Variants in NPIPB11 observed in about 807,000 individuals in gnomAD.
NPIPB11 encodes the protein nuclear pore complex-interacting protein family member B11.
NPIPB11 carries 17 observed loss-of-function variants against 32.8 expected under a neutral mutation model. The ratio of observed to expected loss-of-function variants is 0.52; its 90% CI spans 0.35 to 0.78. NPIPB11 has a LOEUF of 0.78. NPIPB11 is among the 30% of genes least tolerant of loss of function. The pLI is 0.01. For missense variants in NPIPB11, 537 were observed against 1,000.4 expected (o/e 0.54, Z 6.25); for synonymous variants, 209 against 398.4 (o/e 0.52, Z 5.66).
chr16:29,394,041 C>T, exon 3 of NPIPB11: 1 of 1,599,360 alleles, frequency 6.3e-7, no homozygotes, highest in Non-Finnish European at 8.5e-7. Flanking sequence ...CAAAGTCAGT[C>T]CCACGATGAT....
At chr16:29,390,389 G>C (rs1192377798) in intron 3 of NPIPB11, 41 bp from the exon 4 acceptor site, 6 of 1,586,308 alleles carry the variant, frequency 3.8e-6, no homozygotes, top group Non-Finnish European at 5.1e-6. Flanking sequence ...GGGCACGGTG[G>C]CTCATGCGTA....
In NPIPB11 at chr16:29,394,425, A is replaced by C. The variant is rs866309689; in HGVS notation, c.121-349T>G. On this transcript the variant is annotated intron_variant, in intron 2 of 7. Transcript: ENST00000524087. ...ACAATAGCTGATGATCTAAAAAAAA[A>C]CCTCTTTTTTTTTTTTTTTTTTGAG... Among the ~76,000 whole-genome samples, 10 of 114,830 alleles carry C rather than the reference A, an allele frequency of 8.7e-5. No homozygotes were observed. In the South Asian group the frequency reaches 2.3e-3, roughly 26 times the overall value. 75.3% of individuals were successfully genotyped at this position (114,830 alleles called of 152,430 possible).
chr16:29,390,749 A>T (rs961594218), intron 3 of NPIPB11, among the ~76,000 whole-genome samples: 1 of 151,702 alleles, frequency 6.6e-6, no homozygotes, highest in African/African-American at 2.4e-5. Context: ...GGATCACCTG[A>T]GGTCGGGAGT....
At chr16:29,393,732 G>C (rs1330682291) in intron 3 of NPIPB11, among the ~76,000 whole-genome samples, 1 of 152,082 alleles carries the variant, frequency 6.6e-6, no homozygotes, top group Admixed American at 6.6e-5. Context: ...TTGACCAAAA[G>C]CTCTGTTGAC....
intron 3 of NPIPB11, among the ~76,000 whole-genome samples, chr16:29,393,237 A>C (rs1340304439): frequency 1.3e-5 from 2 of 151,406 alleles, no homozygotes; most frequent in East Asian, 3.9e-4. Flanking sequence ...CAGTTCTAAG[A>C]GTCTCTGGGG....
chr16:29,395,640 G>A (rs1384291751), intron 2 of NPIPB11, among the ~76,000 whole-genome samples: 1 of 144,326 alleles, frequency 6.9e-6, no homozygotes, highest in Non-Finnish European at 1.5e-5. Context: ...ATACAATGAA[G>A]AGATTACTTC....
rs188602020 is a variant in NPIPB11 at position 29,383,115 on chromosome 16, C to A, written c.1817G>T (p.Ser606Ile). Residue 606 changes from serine to isoleucine, a missense_variant, in exon 8 of 8, where the codon AGC becomes ATC. Ser to Ile is a moderately radical substitution (Grantham distance 142). Coordinates refer to ENST00000524087, the Ensembl canonical transcript of NPIPB11. ...GAGCTGAGGGTGGAAGGGGAGTGAG[C>A]TGACGCTCGGAAGGTCTCTTGAGAT... 1.1e-5 allele frequency: 17 copies of A among 1,591,370 alleles called. No homozygotes were observed. The African/African-American group carries it at 2.4e-4, about 22-fold the overall frequency.
At chr16:29,393,872 A>T in intron 3 of NPIPB11, 76 bp downstream of exon 3, 1 of 1,288,690 alleles carries the variant, frequency 7.8e-7, no homozygotes, top group Non-Finnish European at 1.0e-6. Flanking sequence ...TGAAGTCCAG[A>T]AATGTGAATT....
At chr16:29,402,747 T>G (rs1964026515) in intron 2 of NPIPB11, among the ~76,000 whole-genome samples, 2 of 150,544 alleles carry the variant, frequency 1.3e-5, no homozygotes, top group African/African-American at 2.5e-5. Flanking sequence ...TGTGTGTGTG[T>G]GTGTGTGTGT....
chr16:29,399,325 G>C (rs945382639), intron 2 of NPIPB11, among the ~76,000 whole-genome samples: 10 of 149,900 alleles, frequency 6.7e-5, no homozygotes, highest in Non-Finnish European at 1.5e-4. Flanking sequence ...TTGTAAACAG[G>C]AAATATTCTA....
At position 29,394,500 on chromosome 16, in the gene NPIPB11, T is replaced by G. The variant is rs1274048640; in HGVS notation, c.121-424A>C. ...CCCAGGCTGGAGTGAAGTGGTGCAATCTTGGCTCACTACAACCTCCAGCTC... is the reference window on the plus strand; with the variant it reads ...CCCAGGCTGGAGTGAAGTGGTGCAAGCTTGGCTCACTACAACCTCCAGCTC... On this transcript the variant is annotated intron_variant, in intron 2 of 7. Transcript: ENST00000524087. Among the ~76,000 whole-genome samples the G allele has an allele frequency of 4.0e-5, 6 of 150,446 alleles. No homozygotes were observed. The East Asian group carries it at 1.2e-3, about 30-fold the overall frequency.
intron 2 of NPIPB11, among the ~76,000 whole-genome samples, chr16:29,402,730 G>C (rs369215753): frequency 0.057 from 5,922 of 104,516 alleles, 7 homozygotes; most frequent in East Asian, 0.12. Flanking sequence ...CTCTCTGTGT[G>C]TGTGTGTGTG....
At chr16:29,406,277 A>G (rs1425495288), upstream of NPIPB11, among the ~76,000 whole-genome samples, 12 of 152,248 alleles carry the variant, frequency 7.9e-5, no homozygotes, top group Admixed American at 7.9e-4. Flanking sequence ...CTGTCAAGTG[A>G]GGTGACATTA....
At chr16:29,382,985 T>C (rs1218914273) in exon 8 of NPIPB11, 1 of 1,596,308 alleles carries the variant, frequency 6.3e-7, no homozygotes, top group Admixed American at 1.7e-5. Flanking sequence ...GGAAGGGGAG[T>C]GAGCTGACGC....
chr16:29,401,241 A>ACTT (rs1963984569), intron 2 of NPIPB11, among the ~76,000 whole-genome samples: 1 of 152,128 alleles, frequency 6.6e-6, no homozygotes, highest in Admixed American at 6.6e-5. Flanking sequence ...CCTGGATTTA[A>ACTT]CTTAAAGGAA....
chr16:29,389,367 T>TAAAAAAA (rs1175211779), intron 5 of NPIPB11, among the ~76,000 whole-genome samples: 3 of 58,628 alleles, frequency 5.1e-5, no homozygotes, highest in Non-Finnish European at 8.5e-5. Context: ...ATCTCAAAAT[T>TAAAAAAA]AAAAAAAAAA....
intron 2 of NPIPB11, chr16:29,397,606 C>A (rs1437278912): frequency 3.4e-6 from 5 of 1,489,644 alleles, no homozygotes; most frequent in Non-Finnish European, 2.7e-6. Context: ...AGCAGGAGCC[C>A]AAAGAGGAGC....
At chr16:29,397,515 G>T (rs568558002) in intron 2 of NPIPB11, 24 of 1,487,230 alleles carry the variant, frequency 1.6e-5, no homozygotes, top group Non-Finnish European at 2.2e-5. Context: ...TTCATGCCGC[G>T]TGACACAGCC....
rs556884902 is a variant in NPIPB11 at position 29,392,139 on chromosome 16, A to C, written c.250-1791T>G. ...AGCAATGGGTAATCTAAAAAGATGAAAAGAGCAACCACGTCAATCCCACAG... is the reference window on the plus strand; with the variant it reads ...AGCAATGGGTAATCTAAAAAGATGACAAGAGCAACCACGTCAATCCCACAG... On this transcript the variant is annotated intron_variant, in intron 3 of 7. Transcript: ENST00000524087. Among the ~76,000 whole-genome samples the C allele has an allele frequency of 1.3e-3, 196 of 151,854 alleles. 2 individuals are homozygous for C. The highest frequency in any genetic ancestry group is 4.6e-3 in the African/African-American group (189 of 41,498).
Sources: allele counts gnomAD v4.1 joint callset (sites outside exome capture counted in the v4.1 genomes callset), GRCh38; gene constraint gnomAD v4.1.1; transcripts MANE v1.5; gene names NCBI Gene and HGNC (gene_info 2026-07-23, HGNC 2026-07-21).